Variants in PLEKHG1 observed in about 807,000 individuals in gnomAD.
PLEKHG1 encodes the protein pleckstrin homology and RhoGEF domain containing G1, also known as pleckstrin homology domain-containing family G member 1.
A neutral mutation model predicts 100.8 loss-of-function variants in PLEKHG1; 44 were observed. The observed-to-expected ratio is 0.44, with a 90% CI of 0.34 to 0.56. PLEKHG1 has a LOEUF of 0.56. PLEKHG1 is among the 20% of genes least tolerant of loss of function. The probability of loss-of-function intolerance (pLI) is 0.01; values close to 1 mark genes in which losing one functional copy is unlikely to be tolerated. For missense variants in PLEKHG1, 1,545 were observed against 1,720.9 expected (o/e 0.90, Z 1.81); for synonymous variants, 640 against 662.5 (o/e 0.97, Z 0.52).
chr6:150,641,443 T>C (rs1778253970), intron 2 of PLEKHG1, among the ~76,000 whole-genome samples: 1 of 152,242 alleles, frequency 6.6e-6, no homozygotes, highest in African/African-American at 2.4e-5. Context: ...ACATGTTAGA[T>C]ATGCTAATGA....
intron 3 of PLEKHG1, among the ~76,000 whole-genome samples, chr6:150,658,549 T>A (rs1219572681): frequency 6.6e-6 from 1 of 152,200 alleles, no homozygotes; most frequent in Non-Finnish European, 1.5e-5. Context: ...GCCAAATCAT[T>A]TGTCTATGGT....
rs368669597 is a variant in PLEKHG1, at chr6:150,600,630, C to G, written c.-204+613C>G. Reference sequence around the variant, plus strand: ...GGGGTGGGGAGTCAAGAGCCTGTGGCTCTTCCGTCACGGGGTAAACGGTAA... The same window carrying G: ...GGGGTGGGGAGTCAAGAGCCTGTGGGTCTTCCGTCACGGGGTAAACGGTAA... On this transcript the variant is annotated intron_variant, in intron 1 of 3. Transcript: ENST00000367326. The surrounding 1 kb of genome is among the most constrained non-coding windows in gnomAD (Gnocchi z 6.2). Among the ~76,000 whole-genome samples, 8 of 152,222 alleles carry G rather than the reference C, an allele frequency of 5.3e-5. No homozygotes were observed. The highest frequency in any genetic ancestry group is 9.6e-5 in the African/African-American group (4 of 41,464).
chr6:150,740,975 C>T (rs968498244), intron 2 of PLEKHG1, among the ~76,000 whole-genome samples: 1 of 152,084 alleles, frequency 6.6e-6, no homozygotes, highest in African/African-American at 2.4e-5. Context: ...CCCTTATTCC[C>T]CACCTTACCT....
intron 1 of PLEKHG1, among the ~76,000 whole-genome samples, chr6:150,626,613 T>G (rs1250931766): frequency 2.0e-5 from 3 of 152,168 alleles, no homozygotes; most frequent in South Asian, 2.1e-4. Flanking sequence ...CTGGCAAGCA[T>G]TTTTTGTTTC....
At chr6:150,674,632 C>CTCTCTCTCTCTCTCTCTCTCTCT (rs1562427503) in intron 3 of PLEKHG1, among the ~76,000 whole-genome samples, 9 of 66,342 alleles carry the variant, frequency 1.4e-4, no homozygotes, top group South Asian at 1.0e-3. Flanking sequence ...CTCTCTCCTC[C>CTCTCTCTCTCTCTCTCTCTCTCT]CTCTCTCTCT....
rs112537555 is a variant in PLEKHG1 at position 150,787,473 on chromosome 6, G to A, written c.582+1014G>A. 1.3e-3 allele frequency among the ~76,000 whole-genome samples: 205 copies of A among 152,252 alleles called. 1 individual carries two copies. Among genetic ancestry groups the A allele is most frequent in the African/African-American group, 4.3e-3 (179 of 41,534 alleles). On this transcript the variant is annotated intron_variant, in intron 4 of 15. Coordinates refer to ENST00000358517, the Ensembl canonical transcript of PLEKHG1. ...TTTAAATTCTCTTAAACATTCAACC[G>A]CTTTTGTTTGGAAAGCCTTTAGCAG...
At chr6:150,693,928 C>T (rs763135662) in intron 3 of PLEKHG1, among the ~76,000 whole-genome samples, 7 of 152,106 alleles carry the variant, frequency 4.6e-5, no homozygotes, top group Admixed American at 3.9e-4. Context: ...GAAGCTGTGT[C>T]GCGTGATAGT....
chr6:150,738,253 C>T (rs1015131739), intron 2 of PLEKHG1, among the ~76,000 whole-genome samples: 5 of 152,086 alleles, frequency 3.3e-5, no homozygotes, highest in Non-Finnish European at 7.4e-5. Flanking sequence ...ACTTAATTAC[C>T]CCCATTAGTA....
At position 150,621,745 on chromosome 6, in the gene PLEKHG1, T is replaced by C. The variant is rs185878883; in HGVS notation, c.-203-16335T>C. Among the ~76,000 whole-genome samples the C allele has an allele frequency of 8.5e-5, 13 of 152,226 alleles. No homozygotes were observed. The East Asian group carries it at 2.3e-3, about 27-fold the overall frequency. ...GGAAATACTAAATGAGTGTAGATGATGTTATTGAGCAATAACACGGACCAT... is the reference window on the plus strand; with the variant it reads ...GGAAATACTAAATGAGTGTAGATGACGTTATTGAGCAATAACACGGACCAT... On this transcript the variant is annotated intron_variant, in intron 1 of 3. Coordinates refer to the PLEKHG1 transcript ENST00000367326.
intron 2 of PLEKHG1, among the ~76,000 whole-genome samples, chr6:150,737,726 A>G (rs767262947): frequency 1.1e-4 from 16 of 152,218 alleles, no homozygotes; most frequent in Non-Finnish European, 2.1e-4. Flanking sequence ...TTTTAAATTA[A>G]GAAAAGTGCT....
At chr6:150,818,277 T>C in intron 11 of PLEKHG1, 61 bp downstream of exon 12, 1 of 1,205,780 alleles carries the variant, frequency 8.3e-7, no homozygotes, top group Non-Finnish European at 1.2e-6. Flanking sequence ...CTATCACATT[T>C]TCTATCTTAA....
chr6:150,779,186 G>A (rs968301550), intron 3 of PLEKHG1, among the ~76,000 whole-genome samples: 20 of 151,984 alleles, frequency 1.3e-4, no homozygotes, highest in Non-Finnish European at 4.4e-5. Context: ...TGGTTCTTGA[G>A]TGCCAGGCAT....
intron 3 of PLEKHG1, among the ~76,000 whole-genome samples, chr6:150,784,592 G>A (rs777699639): frequency 6.6e-6 from 1 of 152,168 alleles, no homozygotes; most frequent in African/African-American, 2.4e-5. Flanking sequence ...TCATTAGGAT[G>A]GTGTTGAAGA....
At chr6:150,673,837 T>A (rs1779651921) in intron 3 of PLEKHG1, among the ~76,000 whole-genome samples, 1 of 152,182 alleles carries the variant, frequency 6.6e-6, no homozygotes, top group Non-Finnish European at 1.5e-5. Flanking sequence ...AATTTTTTTG[T>A]ATTTTTTGTA....
At chr6:150,727,315 C>G (rs1782007569) in intron 1 of PLEKHG1, among the ~76,000 whole-genome samples, 1 of 152,150 alleles carries the variant, frequency 6.6e-6, no homozygotes, top group Non-Finnish European at 1.5e-5. Context: ...CATCAGATGT[C>G]CCCGTTCTCC....
chr6:150,830,746 C>T (rs1562561204), exon 15 of PLEKHG1: 1 of 1,614,162 alleles, frequency 6.2e-7, no homozygotes. Flanking sequence ...TGTTTCCCAG[C>T]CGACGGTCCC....
intron 3 of PLEKHG1, among the ~76,000 whole-genome samples, chr6:150,694,083 A>G (rs1008878952): frequency 6.6e-6 from 1 of 152,190 alleles, no homozygotes; most frequent in East Asian, 1.9e-4. Context: ...GGCAGCATGG[A>G]TCTAGTTTAT....
At chr6:150,816,326 CTTTTTTTTT>C (rs1173343082) in intron 10 of PLEKHG1, among the ~76,000 whole-genome samples, 14 of 41,132 alleles carry the variant, frequency 3.4e-4, no homozygotes, top group Admixed American at 1.4e-3. Context: ...CTCAAACATA[CTTTTTTTTT>C]TTTTTTTTTT....
At chr6:150,763,728 C>A (rs1461404689) in intron 2 of PLEKHG1, among the ~76,000 whole-genome samples, 1 of 152,172 alleles carries the variant, frequency 6.6e-6, no homozygotes, top group East Asian at 1.9e-4. Flanking sequence ...GAGGGAGCAG[C>A]CCAGCTGTCT....
Sources: gnomAD v4.1 joint callset for allele counts (sites outside exome capture counted in the v4.1 genomes callset) on GRCh38, gnomAD v4.1.1 for gene constraint, Gnocchi (gnomAD v3.1) non-coding constraint, MANE v1.5 for transcripts, NCBI Gene and HGNC (gene_info 2026-07-23, HGNC 2026-07-21) for gene names.